The following COPG2 variants were observed in gnomAD, a reference collection of about 807,000 sequenced individuals.
COPG2 encodes coat protein complex I subunit gamma 2, also known as coatomer subunit gamma-2.
Under a neutral mutation model 46.3 loss-of-function variants are expected in COPG2, and 37 were observed. That is an observed-to-expected ratio of 0.80 (90% CI 0.61 to 1.05). The LOEUF is 1.05. Among genes scored for constraint, COPG2 ranks in the 50% least tolerant of loss-of-function variants. COPG2 has a pLI of 0.00. For missense variants in COPG2, 427 were observed against 387.8 expected, an observed-to-expected ratio of 1.10 and a Z score of -0.85; for synonymous variants, 159 against 129.7, an observed-to-expected ratio of 1.23 and a Z score of -1.53.
rs1554454235 is a variant in COPG2, at chr7:130,625,987, CATA to C, written c.324-8925_324-8923del. Among the ~76,000 whole-genome samples the C allele has an allele frequency of 5.9e-5, 9 of 152,062 alleles. No individual in the cohort carries two copies. In the South Asian group the frequency reaches 1.0e-3, roughly 17 times the overall value. On this transcript the variant is annotated intron_variant, in intron 5 of 23. Coordinates refer to ENST00000425248, the MANE Select transcript of COPG2 (RefSeq NM_012133.6). The stretch of plus-strand genomic sequence containing the variant: ...TTTAATAATTTATTTTTAACTGACA[CATA>C]ATAATTGTATATACTGATGGGGTAC...
intron 9 of COPG2, among the ~76,000 whole-genome samples, chr7:130,584,674 C>T (rs782097556): frequency 3.1e-4 from 47 of 151,956 alleles, no homozygotes; most frequent in Non-Finnish European, 5.7e-4. Flanking sequence ...AGCAACTAAG[C>T]GGAGAATCAA....
chr7:130,571,694 G>T (rs1370905232), intron 9 of COPG2, among the ~76,000 whole-genome samples: 4 of 152,052 alleles, frequency 2.6e-5, no homozygotes, highest in Non-Finnish European at 5.9e-5. Flanking sequence ...CCACTACTGG[G>T]TATCTACCCA....
At chr7:130,570,633 C>T (rs1228183946) in intron 9 of COPG2, among the ~76,000 whole-genome samples, 5 of 152,060 alleles carry the variant, frequency 3.3e-5, no homozygotes, top group African/African-American at 1.2e-4. Flanking sequence ...AAGCAATCTA[C>T]AAATTCAACA....
At chr7:130,598,245 A>G (rs1260498496) in intron 9 of COPG2, among the ~76,000 whole-genome samples, 1 of 152,146 alleles carries the variant, frequency 6.6e-6, no homozygotes, top group Non-Finnish European at 1.5e-5. Context: ...GTACACCTGC[A>G]CAGTACTGCC....
At chr7:130,618,126 T>C (rs371672149) in intron 5 of COPG2, among the ~76,000 whole-genome samples, 3 of 87,424 alleles carry the variant, frequency 3.4e-5, no homozygotes, top group African/African-American at 9.8e-5. Flanking sequence ...AAAAGACTTT[T>C]TTTGGAAGTG....
intron 9 of COPG2, among the ~76,000 whole-genome samples, chr7:130,601,512 A>T (rs1794630752): frequency 6.6e-6 from 1 of 152,214 alleles, no homozygotes; most frequent in Non-Finnish European, 1.5e-5. Flanking sequence ...TGTCCTTTGC[A>T]GGGACACGGA....
intron 20 of COPG2, among the ~76,000 whole-genome samples, chr7:130,532,020 G>A (rs1012572683): frequency 6.6e-6 from 1 of 152,174 alleles, no homozygotes; most frequent in African/African-American, 2.4e-5. Flanking sequence ...CTGATAGGCC[G>A]CCTTGGGGTC....
chr7:130,651,493 TA>T (rs1554459075), intron 5 of COPG2, among the ~76,000 whole-genome samples: 21 of 46,674 alleles, frequency 4.5e-4, no homozygotes, highest in Non-Finnish European at 6.7e-4. Context: ...AATTTTTTTG[TA>T]TTTTTTTTTT....
chr7:130,594,103 C>A (rs1399907517), intron 9 of COPG2, among the ~76,000 whole-genome samples: 1 of 151,998 alleles, frequency 6.6e-6, no homozygotes, highest in Non-Finnish European at 1.5e-5. Flanking sequence ...AGCAGAAAAC[C>A]AAGTTAAAAA....
intron 6 of COPG2, 49 bp from the exon 7 acceptor site, chr7:130,613,685 C>T (rs782299447): frequency 2.6e-6 from 3 of 1,149,236 alleles, no homozygotes; most frequent in Non-Finnish European, 3.8e-6. Flanking sequence ...CATGCTTATG[C>T]AAAATTACTC....
chr7:130,583,472 T>C (rs1794196709), intron 9 of COPG2, among the ~76,000 whole-genome samples: 1 of 122,142 alleles, frequency 8.2e-6, no homozygotes. Context: ...AATGTGCACA[T>C]GTACCCTAAA....
intron 5 of COPG2, among the ~76,000 whole-genome samples, chr7:130,643,273 C>T (rs1214884514): frequency 3.3e-5 from 5 of 149,386 alleles, no homozygotes; most frequent in South Asian, 2.1e-4. Flanking sequence ...CCAGCCTGGG[C>T]GACAGAGCGA....
At chr7:130,521,242 A>G (rs1048251489) in intron 20 of COPG2, among the ~76,000 whole-genome samples, 1 of 152,360 alleles carries the variant, frequency 6.6e-6, no homozygotes, top group South Asian at 2.1e-4. Context: ...AAAATTGGAC[A>G]TAAGAGAGAC....
chr7:130,658,362 T>C (rs1427447674), intron 4 of COPG2, among the ~76,000 whole-genome samples: 3 of 151,928 alleles, frequency 2.0e-5, no homozygotes, highest in African/African-American at 7.3e-5. Context: ...AGAAAGGAGA[T>C]AGATTGCCAG....
At chr7:130,652,780 T>G (rs1285962148) in intron 5 of COPG2, 89 bp downstream of exon 5, 2 of 813,776 alleles carry the variant, frequency 2.5e-6, no homozygotes, top group Non-Finnish European at 4.1e-6. Flanking sequence ...AAATTCCTAT[T>G]GGCTTTCTTA....
At chr7:130,575,919 T>C (rs1793991716) in intron 9 of COPG2, among the ~76,000 whole-genome samples, 1 of 152,206 alleles carries the variant, frequency 6.6e-6, no homozygotes, top group Non-Finnish European at 1.5e-5. Context: ...GGGGTAGCTA[T>C]TCTTATATCA....
intron 20 of COPG2, among the ~76,000 whole-genome samples, chr7:130,522,908 A>C (rs1397411897): frequency 6.6e-6 from 1 of 151,550 alleles, no homozygotes; most frequent in Non-Finnish European, 1.5e-5. Flanking sequence ...GCTTGAGGTC[A>C]GGAGTTCGAG....
chr7:130,555,836 TAAATA>T (rs1336699771), intron 12 of COPG2, among the ~76,000 whole-genome samples: 8 of 151,532 alleles, frequency 5.3e-5, no homozygotes, highest in South Asian at 2.1e-4. Flanking sequence ...TCTCAAAAAA[TAAATA>T]AAATAAAATA....
At chr7:130,652,466 C>T (rs1403612215) in intron 5 of COPG2, among the ~76,000 whole-genome samples, 2 of 152,094 alleles carry the variant, frequency 1.3e-5, no homozygotes, top group African/African-American at 2.4e-5. Context: ...CTAGTGAGAA[C>T]GACTATCTAA....
Sources: gnomAD v4.1 joint callset for allele counts (sites outside exome capture counted in the v4.1 genomes callset) on GRCh38, gnomAD v4.1.1 for gene constraint, MANE v1.5 for transcripts, NCBI Gene and HGNC (gene_info 2026-07-23, HGNC 2026-07-21) for gene names.